LZTFL1: variants seen among roughly 807,000 people sequenced by gnomAD.
The protein encoded by LZTFL1 is leucine zipper transcription factor-like protein 1.
Under a neutral mutation model 45.9 loss-of-function variants are expected in LZTFL1, and 25 were observed. That is an observed-to-expected ratio of 0.54 (90% CI 0.40 to 0.76). The LOEUF (loss-of-function observed/expected upper bound fraction) is 0.76, where lower values mean the gene tolerates loss of function less well. Among genes scored for constraint, LZTFL1 ranks in the 30% least tolerant of loss-of-function variants. The pLI, the probability that LZTFL1 is intolerant of heterozygous loss-of-function variation, is 0.00. For missense variants in LZTFL1, 277 were observed against 331.1 expected, an observed-to-expected ratio of 0.84 and a Z score of 1.27; for synonymous variants, 93 against 117.4, an observed-to-expected ratio of 0.79 and a Z score of 1.35.
At chr3:45,912,581 T>C (rs2125774951) in intron 2 of LZTFL1, among the ~76,000 whole-genome samples, 1 of 152,240 alleles carries the variant, frequency 6.6e-6, no homozygotes, top group South Asian at 2.1e-4. Flanking sequence ...CCTGTTGGGG[T>C]CAGGGAGACC....
chr3:45,886,780 G>A (rs186331466), intron 2 of LZTFL1: 368 of 152,316 alleles, frequency 2.4e-3, no homozygotes, highest in Non-Finnish European at 4.2e-3. Flanking sequence ...TGGGCACCAG[G>A]CACTTTTCTA....
Position 45,855,068 on chromosome 3 carries a change from G to T in LZTFL1, c.-131C>A. On this transcript the variant is annotated 5_prime_UTR_variant, in exon 4 of 5. Transcript: ENST00000472635. ...GGGTACAACTTGATGGATTTTCTCT[G>T]CCTTCCCTAGAAAATGAGAGTTCGA... is the stretch of plus-strand genomic sequence containing the variant. 4 of 1,525,434 alleles carry T rather than the reference G, an allele frequency of 2.6e-6. No individual in the cohort carries two copies. The East Asian group carries it at 9.8e-5, about 37-fold the overall frequency. The allele number at this position is 1,525,434 out of a possible 1,614,324, so 94.5% of individuals were successfully genotyped here. A position where few individuals can be genotyped will look rare whatever the true frequency, so the allele number is the denominator to read the frequency against.
In LZTFL1 at chr3:45,899,220, C is replaced by T. The variant is rs59028610; in HGVS notation, c.-215+13900G>A. ...GTTTTGTAGGACTTTTCAGATCCTT[C>T]AATGTGCTCAGGAGTATTGTGAATT... On this transcript the variant is annotated intron_variant, in intron 2 of 4. Transcript: ENST00000472635. Among the ~76,000 whole-genome samples, 916 of 152,310 alleles carry T rather than the reference C, an allele frequency of 6.0e-3. 10 individuals carry two copies. The highest frequency in any genetic ancestry group is 0.02 in the African/African-American group (840 of 41,564).
intron 4 of LZTFL1, 43 bp downstream of exon 4, chr3:45,834,195 T>C (rs780672855): frequency 3.5e-6 from 4 of 1,127,842 alleles, no homozygotes; most frequent in Non-Finnish European, 3.9e-6. Context: ...GGATTTTAAA[T>C]ACTGGCTATT....
intron 2 of LZTFL1, among the ~76,000 whole-genome samples, chr3:45,907,683 G>A (rs762554198): frequency 1.4e-4 from 22 of 152,198 alleles, no homozygotes; most frequent in Non-Finnish European, 2.5e-4. Flanking sequence ...GTTAGAGCCC[G>A]GTTATCCTCC....
chr3:45,903,381 T>G (rs1003598734), intron 2 of LZTFL1: 1 of 152,388 alleles, frequency 6.6e-6, no homozygotes, highest in Non-Finnish European at 1.5e-5. Context: ...GACAACTTTT[T>G]ATTTCTCCTC....
At chr3:45,834,137 T>C (rs1575256051) in intron 4 of LZTFL1, 101 bp downstream of exon 4, 2 of 635,898 alleles carry the variant, frequency 3.1e-6, no homozygotes, top group East Asian at 5.5e-5. Context: ...TGAATGCTTT[T>C]CCTTAAGAGT....
At chr3:45,911,737 C>A (rs77463018) in intron 2 of LZTFL1, among the ~76,000 whole-genome samples, 2 of 152,236 alleles carry the variant, frequency 1.3e-5, no homozygotes, top group African/African-American at 4.8e-5. Context: ...GGCTTTATGC[C>A]GTTCAGCTTT....
At chr3:45,895,802 A>C (rs1292858507) in intron 2 of LZTFL1, among the ~76,000 whole-genome samples, 1 of 152,202 alleles carries the variant, frequency 6.6e-6, no homozygotes, top group Non-Finnish European at 1.5e-5. Context: ...TGTAGAATCA[A>C]ATTAATTTCC....
Position 45,893,536 on chromosome 3 carries a change from AGT to A in LZTFL1, c.-215+19582_-215+19583del, listed in dbSNP as rs1702257289. 5.9e-5 allele frequency among the ~76,000 whole-genome samples: 9 copies of A among 152,298 alleles called. 1 individual carries two copies. The highest frequency in any genetic ancestry group is 5.9e-4 in the Admixed American group (9 of 15,298). On this transcript the variant is annotated intron_variant, in intron 2 of 4. Coordinates refer to the LZTFL1 transcript ENST00000472635. Reference sequence around the variant, plus strand: ...GTATAGATTAGTTTGCATTATTTAGAGTTTTATACAAGTGAAATCATACAGTA... The same window carrying A: ...GTATAGATTAGTTTGCATTATTTAGATTTATACAAGTGAAATCATACAGTA...
At chr3:45,858,173 A>G (rs1483038271) in intron 3 of LZTFL1, among the ~76,000 whole-genome samples, 1 of 152,248 alleles carries the variant, frequency 6.6e-6, no homozygotes, top group Non-Finnish European at 1.5e-5. Flanking sequence ...GTATATGAAT[A>G]GTAGATTAAA....
chr3:45,895,660 G>C (rs1453124513), intron 2 of LZTFL1, among the ~76,000 whole-genome samples: 2 of 151,494 alleles, frequency 1.3e-5, no homozygotes, highest in Admixed American at 6.6e-5. Context: ...GTTGCAGTGA[G>C]CCAAGATCAC....
Position 45,901,792 on chromosome 3 carries a change from T to G in LZTFL1, c.-215+11328A>C. 6.2e-7 allele frequency: 1 copy of G among 1,614,076 alleles called. No individual in the cohort carries two copies. Among genetic ancestry groups the G allele is most frequent in the Non-Finnish European group, 8.5e-7 (1 of 1,179,998 alleles). On this transcript the variant is annotated intron_variant, in intron 2 of 4. Transcript: ENST00000472635. The surrounding 1 kb of genome is among the most constrained non-coding windows in gnomAD (Gnocchi z 4.3). ...GATCTCGTGAAAACCCTGAAGAACT[T>G]GGGTTGCATCAGCCAGGCCCAGTGG...
chr3:45,830,115 T>C (rs1700776577), intron 7 of LZTFL1, among the ~76,000 whole-genome samples: 1 of 152,224 alleles, frequency 6.6e-6, no homozygotes. Context: ...TACTTTTGTG[T>C]ATGTTTGAAA....
chr3:45,882,665 A>G (rs1223267175), intron 2 of LZTFL1, among the ~76,000 whole-genome samples: 1 of 152,280 alleles, frequency 6.6e-6, no homozygotes, highest in African/African-American at 2.4e-5. Flanking sequence ...TGGCCCCTGC[A>G]ACAAAGTCAG....
chr3:45,885,003 T>TC (rs11386842), intron 2 of LZTFL1, among the ~76,000 whole-genome samples: 74,636 of 152,012 alleles, frequency 0.49, 21,707 homozygotes, highest in African/African-American at 0.81. Flanking sequence ...CGCCGTTCCT[T>TC]AAGGCTGATG....
At chr3:45,909,205 T>A (rs1044971174) in intron 2 of LZTFL1, among the ~76,000 whole-genome samples, 5 of 152,194 alleles carry the variant, frequency 3.3e-5, no homozygotes, top group African/African-American at 1.2e-4. Context: ...TCATTATACA[T>A]TACAATGTAA....
intron 3 of LZTFL1, among the ~76,000 whole-genome samples, chr3:45,857,366 C>T (rs371783869): frequency 1.1e-4 from 17 of 152,022 alleles, no homozygotes; most frequent in Admixed American, 7.2e-4. Context: ...TGGGGCCTGT[C>T]GGTGGTGATT....
At chr3:45,911,634 G>A (rs938076531) in intron 2 of LZTFL1, among the ~76,000 whole-genome samples, 2 of 152,268 alleles carry the variant, frequency 1.3e-5, no homozygotes, top group African/African-American at 4.8e-5. Context: ...CCCTGAGTCA[G>A]GAGGACAGGG....
Sources: gnomAD v4.1 joint callset for allele counts (sites outside exome capture counted in the v4.1 genomes callset) on GRCh38, gnomAD v4.1.1 for gene constraint, Gnocchi (gnomAD v3.1) non-coding constraint, MANE v1.5 for transcripts, NCBI Gene and HGNC (gene_info 2026-07-23, HGNC 2026-07-21) for gene names.